The following SLC39A11 variants were observed in gnomAD, a reference collection of about 807,000 sequenced individuals.
The protein encoded by SLC39A11 is zinc transporter ZIP11.
SLC39A11 carries 33 observed loss-of-function variants against 36.1 expected under a neutral mutation model. That is an observed-to-expected ratio of 0.91 (90% confidence interval 0.69 to 1.22). The LOEUF is 1.22. Among genes scored for constraint, SLC39A11 ranks in the 50% most tolerant of loss-of-function variants. SLC39A11 has a pLI of 0.00. For synonymous variants in SLC39A11, 166 were observed against 170.3 expected (o/e 0.97, Z 0.20); for missense variants, 432 against 430.3 (o/e 1.00, Z -0.03).
intron 5 of SLC39A11, among the ~76,000 whole-genome samples, chr17:72,869,519 AGCTGGGACTACAGGCACCC>A (rs1204002286): frequency 1.3e-5 from 2 of 152,080 alleles, no homozygotes; most frequent in East Asian, 3.9e-4. Context: ...CCTCCCAAGT[AGCTGGGACTACAGGCACCC>A]GCCACCATGC....
intron 5 of SLC39A11, among the ~76,000 whole-genome samples, chr17:72,932,952 C>T (rs1207976827): frequency 2.0e-5 from 3 of 152,100 alleles, no homozygotes; most frequent in East Asian, 1.9e-4. Flanking sequence ...ATATGCATAC[C>T]GTTCATCTAC....
intron 4 of SLC39A11, among the ~76,000 whole-genome samples, chr17:72,967,942 C>T (rs1188715434): frequency 6.6e-6 from 1 of 152,134 alleles, no homozygotes; most frequent in African/African-American, 2.4e-5. Flanking sequence ...TTACAATTGT[C>T]TACACGTGGA....
chr17:72,927,014 C>G (rs1452392434), intron 5 of SLC39A11, among the ~76,000 whole-genome samples: 1 of 152,168 alleles, frequency 6.6e-6, no homozygotes, highest in Non-Finnish European at 1.5e-5. Flanking sequence ...ATGCCTCTTA[C>G]AGATGACAAT....
intron 6 of SLC39A11, chr17:72,823,953 A>G (rs1260989542): frequency 6.6e-6 from 1 of 151,428 alleles, no homozygotes; most frequent in East Asian, 1.9e-4. Context: ...GTGAGAAAGA[A>G]CGAAGAAGAG....
intron 7 of SLC39A11, among the ~76,000 whole-genome samples, chr17:72,715,795 C>A (rs922367653): frequency 6.6e-6 from 1 of 152,158 alleles, no homozygotes; most frequent in African/African-American, 2.4e-5. Context: ...CCTCCGCCAC[C>A]CGGGTTCAAG....
At chr17:72,680,438 G>A (rs2071463384) in intron 7 of SLC39A11, among the ~76,000 whole-genome samples, 1 of 152,144 alleles carries the variant, frequency 6.6e-6, no homozygotes, top group Admixed American at 6.5e-5. Context: ...CATGGGGGTA[G>A]GTCTTTCCCA....
intron 4 of SLC39A11, among the ~76,000 whole-genome samples, chr17:73,007,571 A>G (rs533277997): frequency 6.6e-6 from 1 of 152,286 alleles, no homozygotes; most frequent in South Asian, 2.1e-4. Flanking sequence ...GGAGAACACG[A>G]GAAAAGGCTC....
At chr17:72,900,117 GAAAGAAA>G (rs1158107718) in intron 5 of SLC39A11, among the ~76,000 whole-genome samples, 4 of 127,148 alleles carry the variant, frequency 3.1e-5, no homozygotes, top group African/African-American at 1.3e-4. Flanking sequence ...GAAAAAGAAA[GAAAGAAA>G]AGAAAGAAAG....
At position 73,088,625 on chromosome 17, in the gene SLC39A11, C is replaced by G. The variant is rs749006863; in HGVS notation, c.108+32G>C. On this transcript the variant is annotated intron_variant, in intron 2 of 9. Transcript: ENST00000255559. Reference sequence around the variant, plus strand: ...TGCCCCTTTACCAACGGGCTCCCCACCAACATCCAGAACCAAAGCAAGGCA... The same window carrying G: ...TGCCCCTTTACCAACGGGCTCCCCAGCAACATCCAGAACCAAAGCAAGGCA... 7.6e-6 allele frequency: 12 copies of G among 1,581,532 alleles called. No individual in the cohort carries two copies. In the African/African-American group the frequency reaches 1.5e-4, roughly 20 times the overall value.
At chr17:73,050,326 A>C (rs2059451202) in intron 3 of SLC39A11, among the ~76,000 whole-genome samples, 1 of 147,084 alleles carries the variant, frequency 6.8e-6, no homozygotes, top group African/African-American at 2.5e-5. Flanking sequence ...TTTGTGGCAA[A>C]AAAAAAAAAA....
At chr17:72,772,423 CT>C (rs1215733470) in intron 6 of SLC39A11, among the ~76,000 whole-genome samples, 1 of 152,180 alleles carries the variant, frequency 6.6e-6, no homozygotes, top group East Asian at 1.9e-4. Flanking sequence ...CACTAAACTA[CT>C]GGGGGTTGGG....
At chr17:73,064,273 G>A (rs1178366675) in intron 3 of SLC39A11, among the ~76,000 whole-genome samples, 1 of 152,062 alleles carries the variant, frequency 6.6e-6, no homozygotes, top group African/African-American at 2.4e-5. Context: ...GTCAGATGTG[G>A]GATTAGAAGC....
intron 4 of SLC39A11, among the ~76,000 whole-genome samples, chr17:73,001,523 C>G (rs1329365410): frequency 1.3e-5 from 2 of 151,372 alleles, no homozygotes; most frequent in Non-Finnish European, 2.9e-5. Flanking sequence ...TGTAACTAAC[C>G]TGCACATTGT....
intron 5 of SLC39A11, among the ~76,000 whole-genome samples, chr17:72,927,834 A>C (rs2084141886): frequency 1.3e-5 from 2 of 151,910 alleles, no homozygotes; most frequent in Non-Finnish European, 2.9e-5. Flanking sequence ...ACACACACAC[A>C]CTACACACAC....
At position 72,977,700 on chromosome 17, in the gene SLC39A11, C is replaced by G. The variant is rs148436495; in HGVS notation, c.307-29825G>C. Among the ~76,000 whole-genome samples the G allele has an allele frequency of 5.9e-3, 904 of 152,262 alleles. 11 individuals carry two copies. The highest frequency in any genetic ancestry group is 0.02 in the African/African-American group (817 of 41,548). On this transcript the variant is annotated intron_variant, in intron 4 of 9. Coordinates refer to ENST00000255559, the MANE Select transcript of SLC39A11 (RefSeq NM_139177.4). ...TGAAGTGCTAGCACCTTCCATAAAA[C>G]ACACAAACAAAGGGCTGGAACAGAA...
intron 6 of SLC39A11, among the ~76,000 whole-genome samples, chr17:72,827,377 AG>A (rs2078072583): frequency 6.6e-6 from 1 of 152,168 alleles, no homozygotes; most frequent in South Asian, 2.1e-4. Context: ...GCTAATGGGT[AG>A]GGGTTTCTTC....
intron 3 of SLC39A11, among the ~76,000 whole-genome samples, chr17:73,035,540 A>G (rs2058879089): frequency 1.3e-5 from 2 of 152,212 alleles, no homozygotes; most frequent in Admixed American, 6.5e-5. Flanking sequence ...GACTCTGCAC[A>G]TGGGATTAAA....
chr17:73,070,982 G>A (rs905186503), intron 3 of SLC39A11, among the ~76,000 whole-genome samples: 1 of 152,124 alleles, frequency 6.6e-6, no homozygotes, highest in African/African-American at 2.4e-5. Context: ...AAAAATTACT[G>A]GTGCCTTATC....
At chr17:73,047,993 ATATAT>A (rs2059372760) in intron 3 of SLC39A11, among the ~76,000 whole-genome samples, 45 of 54,998 alleles carry the variant, frequency 8.2e-4, no homozygotes, top group African/African-American at 1.9e-3. Context: ...AAAAAAAAAT[ATATAT>A]ATATATATAT....
Sources: allele counts gnomAD v4.1 joint callset (sites outside exome capture counted in the v4.1 genomes callset), GRCh38; gene constraint gnomAD v4.1.1; transcripts MANE v1.5; gene names NCBI Gene and HGNC (gene_info 2026-07-23, HGNC 2026-07-21).